The following PEAK1 variants were observed in gnomAD, a reference collection of about 807,000 sequenced individuals.
PEAK1 encodes the protein pseudopodium enriched atypical kinase 1, also known as inactive tyrosine-protein kinase PEAK1.
A neutral mutation model predicts 124.7 loss-of-function variants in PEAK1; 54 were observed. The ratio of observed to expected loss-of-function variants is 0.43; its 90% CI spans 0.35 to 0.54. PEAK1 has a LOEUF of 0.54. PEAK1 is among the 20% of genes least tolerant of loss of function. The pLI, the probability that PEAK1 is intolerant of heterozygous loss-of-function variation, is 0.01. For missense variants in PEAK1, 2,046 were observed against 2,134.5 expected (o/e 0.96, Z 0.82); for synonymous variants, 719 against 760.0 (o/e 0.95, Z 0.89).
intron 2 of PEAK1, among the ~76,000 whole-genome samples, chr15:77,292,715 A>G (rs1023654149): frequency 1.3e-5 from 2 of 152,222 alleles, no homozygotes; most frequent in Non-Finnish European, 2.9e-5. Context: ...TTTAGGGATT[A>G]CAGATAAATT....
At chr15:77,152,988 A>G (rs944780884) in intron 8 of PEAK1, among the ~76,000 whole-genome samples, 43 of 152,152 alleles carry the variant, frequency 2.8e-4, no homozygotes, top group African/African-American at 1.0e-3. Flanking sequence ...TGGTATCAGG[A>G]TGATGCTGGC....
intron 1 of PEAK1, among the ~76,000 whole-genome samples, chr15:77,366,989 C>T (rs2068289336): frequency 6.6e-6 from 1 of 152,106 alleles, no homozygotes; most frequent in Non-Finnish European, 1.5e-5. Context: ...AAAAAATTAG[C>T]TGGGTGTGGT....
At chr15:77,342,154 G>C (rs1420240910) in intron 2 of PEAK1, among the ~76,000 whole-genome samples, 4 of 76,556 alleles carry the variant, frequency 5.2e-5, no homozygotes, top group Non-Finnish European at 1.1e-4. Flanking sequence ...CTTTCATTAT[G>C]GTAAAAAAAA....
At chr15:77,260,897 A>G (rs2061406145) in intron 5 of PEAK1, among the ~76,000 whole-genome samples, 1 of 152,202 alleles carries the variant, frequency 6.6e-6, no homozygotes, top group Non-Finnish European at 1.5e-5. Flanking sequence ...GACACCTCAC[A>G]TGGCCGGGTA....
intron 9 of PEAK1, among the ~76,000 whole-genome samples, chr15:77,122,234 G>A (rs908505225): frequency 1.3e-5 from 2 of 152,190 alleles, no homozygotes; most frequent in Admixed American, 6.5e-5. Flanking sequence ...TTTACAGCTT[G>A]AATTGCTGCA....
chr15:77,200,537 CT>C (rs562216015), intron 6 of PEAK1, among the ~76,000 whole-genome samples: 1 of 152,132 alleles, frequency 6.6e-6, no homozygotes, highest in Non-Finnish European at 1.5e-5. Context: ...TGCCCAGGTA[CT>C]TTATAAACAT....
intron 6 of PEAK1, among the ~76,000 whole-genome samples, chr15:77,206,589 AT>A (rs756652716): frequency 6.6e-6 from 1 of 151,534 alleles, no homozygotes; most frequent in Non-Finnish European, 1.5e-5. Context: ...GATGATGAGC[AT>A]TTTTTCATGT....
At chr15:77,300,811 A>G (rs1315482941) in intron 2 of PEAK1, among the ~76,000 whole-genome samples, 2 of 152,094 alleles carry the variant, frequency 1.3e-5, no homozygotes, top group Non-Finnish European at 2.9e-5. Flanking sequence ...ATAACAAATT[A>G]CCATAAATTT....
rs192761897 is a variant in PEAK1, at chr15:77,375,914, G to C, written c.-665-10689C>G. ...CTCGGGAGGCTGAGGCAGGAGAATG[G>C]CGGGAACCCGGGAGGCGGAGCCTGC... On this transcript the variant is annotated intron_variant, in intron 1 of 9. Coordinates refer to ENST00000682557, the MANE Select transcript of PEAK1 (RefSeq NM_001385026.1). 9.2e-5 allele frequency among the ~76,000 whole-genome samples: 14 copies of C among 152,124 alleles called. No individual in the cohort carries two copies. In the East Asian group the frequency reaches 2.7e-3, roughly 29 times the overall value.
intron 6 of PEAK1, among the ~76,000 whole-genome samples, chr15:77,182,519 A>G (rs1212278319): frequency 2.0e-5 from 3 of 152,066 alleles, no homozygotes; most frequent in African/African-American, 4.8e-5. Context: ...AGGCAGGCCA[A>G]GGTGGGAAGA....
Position 77,142,283 on chromosome 15 carries a change from T to G in PEAK1, c.3332-8533A>C, listed in dbSNP as rs1188143739. Among the ~76,000 whole-genome samples, 10 of 152,332 alleles carry G rather than the reference T, an allele frequency of 6.6e-5. No homozygotes were observed. In the East Asian group the frequency reaches 1.5e-3, roughly 23 times the overall value. ...AACTGAGACATCATTTCACATCTACTAGGTTAGCTGTAATAAAACACACAG... is the reference window on the plus strand; with the variant it reads ...AACTGAGACATCATTTCACATCTACGAGGTTAGCTGTAATAAAACACACAG... On this transcript the variant is annotated intron_variant, in intron 8 of 9. Coordinates refer to ENST00000682557, the MANE Select transcript of PEAK1 (RefSeq NM_001385026.1).
intron 1 of PEAK1, among the ~76,000 whole-genome samples, chr15:77,387,718 C>T (rs1293936989): frequency 6.6e-6 from 1 of 152,128 alleles, no homozygotes; most frequent in Non-Finnish European, 1.5e-5. Context: ...AAAAAACAAG[C>T]AATAATTATC....
intron 7 of PEAK1, among the ~76,000 whole-genome samples, chr15:77,160,189 G>A (rs1276500372): frequency 2.0e-5 from 3 of 152,026 alleles, no homozygotes; most frequent in Non-Finnish European, 4.4e-5. Context: ...AAGATAACAT[G>A]GGGGATCTAT....
At chr15:77,298,231 T>C (rs2063611040) in intron 2 of PEAK1, among the ~76,000 whole-genome samples, 1 of 49,970 alleles carries the variant, frequency 2.0e-5, no homozygotes, top group Non-Finnish European at 4.4e-5. Flanking sequence ...TTTTTTTTTT[T>C]TTTTTGAGAG....
rs117098821 is a variant in PEAK1, at chr15:77,308,013, G to C, written c.-602-21509C>G. ...TTAGTTACAGGCTTCATAATACTTAGTGTTAGGAATATACTAGCTGCTTAA... is the reference window on the plus strand; with the variant it reads ...TTAGTTACAGGCTTCATAATACTTACTGTTAGGAATATACTAGCTGCTTAA... On this transcript the variant is annotated intron_variant, in intron 2 of 9. Transcript: ENST00000682557. Among the ~76,000 whole-genome samples, 35 of 152,156 alleles carry C rather than the reference G, an allele frequency of 2.3e-4. No homozygotes were observed. The East Asian group carries it at 6.7e-3, about 29-fold the overall frequency.
chr15:77,185,795 T>C (rs904087131), intron 6 of PEAK1, among the ~76,000 whole-genome samples: 1 of 152,220 alleles, frequency 6.6e-6, no homozygotes, highest in South Asian at 2.1e-4. Flanking sequence ...TGGGGAAAGA[T>C]ACAGGCCAGG....
intron 6 of PEAK1, among the ~76,000 whole-genome samples, chr15:77,235,276 G>A (rs1277826324): frequency 1.3e-5 from 2 of 151,954 alleles, no homozygotes; most frequent in Non-Finnish European, 2.9e-5. Context: ...AGCAGAGGAT[G>A]GAACAGTTTG....
At chr15:77,372,860 T>TTCC (rs1390157746) in intron 1 of PEAK1, among the ~76,000 whole-genome samples, 4 of 145,608 alleles carry the variant, frequency 2.7e-5, no homozygotes, top group Non-Finnish European at 6.2e-5. Context: ...GTGTAGCACC[T>TTCC]TCCTCCTCTC....
At chr15:77,214,930 G>C (rs568155813) in intron 6 of PEAK1, among the ~76,000 whole-genome samples, 1 of 152,270 alleles carries the variant, frequency 6.6e-6, no homozygotes, top group East Asian at 1.9e-4. Flanking sequence ...TTCGACAAGA[G>C]AATTGGGTGG....
Sources: gnomAD v4.1 joint callset for allele counts (sites outside exome capture counted in the v4.1 genomes callset) on GRCh38, gnomAD v4.1.1 for gene constraint, MANE v1.5 for transcripts, NCBI Gene and HGNC (gene_info 2026-07-23, HGNC 2026-07-21) for gene names.